The following FDX1 variants were observed in gnomAD, a reference collection of about 807,000 sequenced individuals.
The protein encoded by FDX1 is ferredoxin 1.
Under a neutral mutation model 14.9 loss-of-function variants are expected in FDX1, and 9 were observed. The ratio of observed to expected loss-of-function variants is 0.60; its 90% CI spans 0.36 to 1.05. FDX1 has a LOEUF of 1.05. Ranked by LOEUF, FDX1 falls within the 50% of genes least tolerant of loss-of-function variation. FDX1 has a pLI of 0.01. For missense variants in FDX1, 204 were observed against 237.2 expected, an observed-to-expected ratio of 0.86 and a Z score of 0.92; for synonymous variants, 92 against 99.4, an observed-to-expected ratio of 0.93 and a Z score of 0.44.
intron 2 of FDX1, among the ~76,000 whole-genome samples, chr11:110,447,273 CAAAAAAAAAAAAA>C (rs541827807): frequency 3.0e-4 from 23 of 75,752 alleles, no homozygotes; most frequent in Non-Finnish European, 5.7e-4. Flanking sequence ...ACTAAAAATA[CAAAAAAAAAAAAA>C]AAAAAAAAAA....
chr11:110,451,041 T>G (rs1024294630), intron 2 of FDX1, among the ~76,000 whole-genome samples: 3 of 152,120 alleles, frequency 2.0e-5, no homozygotes, highest in Non-Finnish European at 4.4e-5. Context: ...GTAGTTGTTG[T>G]TTGTTACTTT....
At chr11:110,434,278 C>A (rs1430850202) in intron 1 of FDX1, among the ~76,000 whole-genome samples, 1 of 151,318 alleles carries the variant, frequency 6.6e-6, no homozygotes, top group Non-Finnish European at 1.5e-5. Flanking sequence ...AACTACTAAA[C>A]AACATCTCTC....
In FDX1 at chr11:110,462,908, T is replaced by C. The variant is rs45526936; in HGVS notation, c.*440T>C. 22,232 of 154,344 alleles carry C rather than the reference T, an allele frequency of 0.14. 1,757 individuals carry two copies. Among genetic ancestry groups the C allele is most frequent in the East Asian group, 0.25 (1,317 of 5,300 alleles). 9.6% of individuals were successfully genotyped at this position (154,344 alleles called of 1,614,324 possible). ...TGCTAGAACCTGTGTCTTATTCCTA[T>C]AAGCTATGTGTTCAGACTGAAACTG... On this transcript the variant is annotated 3_prime_UTR_variant, in exon 4 of 4. Coordinates refer to ENST00000260270, the MANE Select transcript of FDX1 (RefSeq NM_004109.5).
At chr11:110,444,697 TATATATAC>T (rs1946433157) in intron 2 of FDX1, among the ~76,000 whole-genome samples, 4 of 69,816 alleles carry the variant, frequency 5.7e-5, no homozygotes, top group African/African-American at 1.3e-4. Context: ...CGTATATATA[TATATATAC>T]GTATATATAT....
At chr11:110,453,849 C>T (rs1946503147) in intron 2 of FDX1, among the ~76,000 whole-genome samples, 1 of 152,202 alleles carries the variant, frequency 6.6e-6, no homozygotes, top group Non-Finnish European at 1.5e-5. Flanking sequence ...GTTGTTCTAA[C>T]ACAGTCTGAC....
At chr11:110,438,232 T>C (rs976162504) in intron 2 of FDX1, among the ~76,000 whole-genome samples, 9 of 152,334 alleles carry the variant, frequency 5.9e-5, no homozygotes, top group African/African-American at 2.2e-4. Flanking sequence ...GCTTAACTAA[T>C]TTACATTCCC....
rs1946581415 is a variant in FDX1, at chr11:110,464,575, A to G, written c.*2107A>G. 6.6e-6 allele frequency: 1 copy of G among 152,180 alleles called. No individual in the cohort carries two copies. Among genetic ancestry groups the G allele is most frequent in the African/African-American group, 2.4e-5 (1 of 41,452 alleles). 9.4% of individuals were successfully genotyped at this position (152,180 alleles called of 1,614,324 possible). A position where few individuals can be genotyped will look rare whatever the true frequency, so the allele number is the denominator to read the frequency against. ...CACCTCTTAAAGGACCCACCTTTCAATGCCATTACACTGGCAATTTAATTT... is the reference window on the plus strand; with the variant it reads ...CACCTCTTAAAGGACCCACCTTTCAGTGCCATTACACTGGCAATTTAATTT... On this transcript the variant is annotated 3_prime_UTR_variant, in exon 4 of 4. Coordinates refer to ENST00000260270, the MANE Select transcript of FDX1 (RefSeq NM_004109.5).
At chr11:110,452,620 A>C (rs1363693571) in intron 2 of FDX1, among the ~76,000 whole-genome samples, 1 of 146,564 alleles carries the variant, frequency 6.8e-6, no homozygotes, top group Middle Eastern at 3.3e-3. Context: ...GGCAAAGTTA[A>C]AAAAAAAAAA....
chr11:110,442,633 A>G (rs1311664646), intron 2 of FDX1, among the ~76,000 whole-genome samples: 1 of 152,228 alleles, frequency 6.6e-6, no homozygotes, highest in Non-Finnish European at 1.5e-5. Flanking sequence ...GTATCTAGGA[A>G]GTAACTAACT....
chr11:110,430,029 C>G lies in FDX1; in HGVS notation c.-92C>G. ...GCCCCTCGCCGCGGCCCTCGGGCGT[C>G]TGCGCCGCAGCTGCCGCCCCCGCCT... On this transcript the variant is annotated 5_prime_UTR_variant, in exon 1 of 4. Coordinates refer to ENST00000260270, the MANE Select transcript of FDX1 (RefSeq NM_004109.5). 1 of 973,898 alleles carries G rather than the reference C, an allele frequency of 1.0e-6. No individual in the cohort carries two copies. Among genetic ancestry groups the G allele is most frequent in the African/African-American group, 1.7e-5 (1 of 58,686 alleles). 60.3% of individuals were successfully genotyped at this position (973,898 alleles called of 1,614,324 possible).
At chr11:110,435,705 A>T in intron 1 of FDX1, 129 bp from the exon 2 acceptor site, 1 of 594,934 alleles carries the variant, frequency 1.7e-6, no homozygotes, top group South Asian at 2.9e-5. Context: ...AATAAAAAAA[A>T]TTAGCCAGGC....
chr11:110,454,617 T>C (rs888520446), intron 2 of FDX1, among the ~76,000 whole-genome samples: 1 of 152,222 alleles, frequency 6.6e-6, no homozygotes, highest in African/African-American at 2.4e-5. Context: ...ACAAATAAAG[T>C]TGAATTACTC....
At chr11:110,450,448 A>G (rs1946479106) in intron 2 of FDX1, among the ~76,000 whole-genome samples, 1 of 152,148 alleles carries the variant, frequency 6.6e-6, no homozygotes, top group African/African-American at 2.4e-5. Context: ...TCAGACGGTA[A>G]TGTGAGCAAT....
At chr11:110,440,287 A>G (rs1946397371) in intron 2 of FDX1, among the ~76,000 whole-genome samples, 1 of 151,596 alleles carries the variant, frequency 6.6e-6, no homozygotes, top group African/African-American at 2.4e-5. Context: ...TTCTGCTTTG[A>G]GTTTGTTATT....
chr11:110,463,312 C>G lies in FDX1; in HGVS notation c.*844C>G, dbSNP rs1320383259. 6.6e-6 allele frequency: 1 copy of G among 152,248 alleles called. No homozygotes were observed. The highest frequency in any genetic ancestry group is 1.9e-4 in the East Asian group (1 of 5,202). The allele number at this position is 152,248 out of a possible 1,614,324, so 9.4% of individuals were successfully genotyped here. On this transcript the variant is annotated 3_prime_UTR_variant, in exon 4 of 4. Transcript: ENST00000260270. The stretch of plus-strand genomic sequence containing the variant: ...GGAGAAGGGAATGAGCAGGCTGACA[C>G]GTTGCACAGCCCCAGGTGGCGCCAT...
At chr11:110,434,308 G>GC (rs1946351954) in intron 1 of FDX1, among the ~76,000 whole-genome samples, 1 of 148,632 alleles carries the variant, frequency 6.7e-6, no homozygotes, top group African/African-American at 2.5e-5. Context: ...ATTCTATGTA[G>GC]CACTGGAAAA....
At chr11:110,443,438 C>CTT (rs1204500783) in intron 2 of FDX1, among the ~76,000 whole-genome samples, 56 of 132,414 alleles carry the variant, frequency 4.2e-4, no homozygotes, top group East Asian at 8.6e-4. Context: ...TAATAATATC[C>CTT]TTTTTTTTTT....
intron 2 of FDX1, among the ~76,000 whole-genome samples, chr11:110,438,203 C>G (rs1198598397): frequency 6.6e-6 from 1 of 152,180 alleles, no homozygotes; most frequent in Non-Finnish European, 1.5e-5. Context: ...GAGAAATCTC[C>G]AAACTGCTTT....
In FDX1 at chr11:110,462,462, C is replaced by A. The variant is rs778265089; in HGVS notation, c.549C>A (p.Thr183=). 11 of 1,380,428 alleles carry A rather than the reference C, an allele frequency of 8.0e-6. No homozygotes were observed. Among genetic ancestry groups the A allele is most frequent in the Non-Finnish European group, 1.1e-5 (11 of 969,632 alleles). 85.5% of individuals were successfully genotyped at this position (1,380,428 alleles called of 1,614,324 possible). A position where few individuals can be genotyped will look rare whatever the true frequency, so the allele number is the denominator to read the frequency against. ...DARQSIDVGK[T]S is the part of the protein sequence containing the mutation. The stretch of plus-strand genomic sequence containing the variant: ...GACAATCCATTGATGTGGGCAAGAC[C>A]TCCTGAACTAGAACAAATAGGAATA... Residue 183 remains threonine (T), a synonymous_variant, in exon 4 of 4, where the codon ACC becomes ACA. Coordinates refer to ENST00000260270, the MANE Select transcript of FDX1 (RefSeq NM_004109.5).
Sources: gnomAD v4.1 joint callset for allele counts (sites outside exome capture counted in the v4.1 genomes callset) on GRCh38, gnomAD v4.1.1 for gene constraint, MANE v1.5 for transcripts, NCBI Gene and HGNC (gene_info 2026-07-23, HGNC 2026-07-21) for gene names.